THSD4: variants seen among roughly 807,000 people sequenced by gnomAD.
The protein encoded by THSD4 is thrombospondin type-1 domain-containing protein 4.
A neutral mutation model predicts 119.0 loss-of-function variants in THSD4; 69 were observed. That is an observed-to-expected ratio of 0.58 (90% CI 0.48 to 0.71). The LOEUF (loss-of-function observed/expected upper bound fraction) is 0.71, where lower values mean the gene tolerates loss of function less well. THSD4 is among the 30% of genes least tolerant of loss of function. THSD4 has a pLI of 0.00. For missense variants in THSD4, 1,393 were observed against 1,391.1 expected, an observed-to-expected ratio of 1.00 and a Z score of -0.02; for synonymous variants, 524 against 540.4, an observed-to-expected ratio of 0.97 and a Z score of 0.42.
At chr15:71,264,166 G>A (rs2044437359) in intron 6 of THSD4, among the ~76,000 whole-genome samples, 1 of 152,210 alleles carries the variant, frequency 6.6e-6, no homozygotes, top group East Asian at 1.9e-4. Flanking sequence ...ATATGAGGGA[G>A]GGAGGCTTGT....
At position 71,215,021 on chromosome 15, in the gene THSD4, C is replaced by A; in HGVS notation, c.100-14C>A. On this transcript the variant is annotated splice_polypyrimidine_tract_variant and intron_variant, in intron 3 of 17. Transcript: ENST00000261862. ...GCGGTGTTCTGGTCCCCTAACCTGC[C>A]TCTGTCTCCGCAGGTCCCGCAGCGG... is the stretch of plus-strand genomic sequence containing the variant. 1 of 1,256,260 alleles carries A rather than the reference C, an allele frequency of 8.0e-7. No homozygotes were observed. 77.8% of individuals were successfully genotyped at this position (1,256,260 alleles called of 1,614,324 possible).
intron 1 of THSD4, among the ~76,000 whole-genome samples, chr15:71,126,280 C>T (rs1446424572): frequency 6.6e-6 from 1 of 152,198 alleles, no homozygotes; most frequent in Non-Finnish European, 1.5e-5. Flanking sequence ...ACAGGAGGCT[C>T]TCCTGCCCCT....
intron 15 of THSD4, 23 bp downstream of exon 15, chr15:71,758,098 G>A (rs2053575396): frequency 1.3e-6 from 2 of 1,535,738 alleles, no homozygotes; most frequent in African/African-American, 1.4e-5. Flanking sequence ...AACTGGGTAT[G>A]TCTGCCTGTG....
rs777900586 is a variant in THSD4 at position 71,242,622 on chromosome 15, TCTC to T, written c.465-23_465-21del. ...CATGAAATTCATCCGACTCTGATCA[TCTC>T]CTCTCTTGTCTATCTCTCTTTAGGA... On this transcript the variant is annotated intron_variant, in intron 4 of 17. Transcript: ENST00000261862. 6.2e-6 allele frequency: 10 copies of T among 1,601,912 alleles called. No individual in the cohort carries two copies. In the South Asian group the frequency reaches 1.0e-4, roughly 16 times the overall value.
At chr15:71,221,379 C>G (rs1030359216) in intron 4 of THSD4, among the ~76,000 whole-genome samples, 11 of 152,192 alleles carry the variant, frequency 7.2e-5, no homozygotes, top group African/African-American at 2.7e-4. Flanking sequence ...CATCCATTCA[C>G]AGAACTCTTT....
chr15:71,496,240 TACA>T (rs1476973034), intron 7 of THSD4, among the ~76,000 whole-genome samples: 1 of 152,182 alleles, frequency 6.6e-6, no homozygotes, highest in Non-Finnish European at 1.5e-5. Context: ...TTCTTCATGG[TACA>T]ACAAAATTAA....
chr15:71,695,251 G>T (rs2052138957), intron 8 of THSD4, among the ~76,000 whole-genome samples: 1 of 152,000 alleles, frequency 6.6e-6, no homozygotes, highest in African/African-American at 2.4e-5. Flanking sequence ...TAGGCATTCT[G>T]GTTTAACCTG....
chr15:71,443,395 G>A (rs192567239), intron 7 of THSD4, among the ~76,000 whole-genome samples: 35 of 151,248 alleles, frequency 2.3e-4, no homozygotes, highest in African/African-American at 7.8e-4. Flanking sequence ...GGCTTCTATC[G>A]ACTGATGTCC....
intron 1 of THSD4, among the ~76,000 whole-genome samples, chr15:71,109,063 A>G (rs2040286529): frequency 6.6e-6 from 1 of 152,224 alleles, no homozygotes. Context: ...CCACCTCTAG[A>G]ATTCTGAGAT....
intron 7 of THSD4, among the ~76,000 whole-genome samples, chr15:71,562,295 G>A (rs1010815399): frequency 6.6e-6 from 1 of 152,172 alleles, no homozygotes; most frequent in South Asian, 2.1e-4. Flanking sequence ...TACCTCAGCT[G>A]TATAGTTTGT....
chr15:71,458,093 G>A (rs1210782800), intron 7 of THSD4, among the ~76,000 whole-genome samples: 2 of 152,164 alleles, frequency 1.3e-5, no homozygotes, highest in East Asian at 1.9e-4. Context: ...TAATCTATAT[G>A]CATTGCATAT....
chr15:71,371,798 T>C (rs1233554044), intron 6 of THSD4, among the ~76,000 whole-genome samples: 2 of 152,184 alleles, frequency 1.3e-5, no homozygotes, highest in African/African-American at 4.8e-5. Context: ...TGGCATTCTC[T>C]GTATTTCCTG....
At chr15:71,400,234 T>C (rs1367979999) in intron 6 of THSD4, among the ~76,000 whole-genome samples, 3 of 152,180 alleles carry the variant, frequency 2.0e-5, no homozygotes, top group African/African-American at 4.8e-5. Context: ...TATTAGGCAA[T>C]TGATAAGCTG....
At chr15:71,153,087 G>A (rs978127944) in intron 2 of THSD4, among the ~76,000 whole-genome samples, 2 of 152,106 alleles carry the variant, frequency 1.3e-5, no homozygotes, top group African/African-American at 2.4e-5. Context: ...CTAGGGTTTG[G>A]CCTTTAGATG....
intron 7 of THSD4, among the ~76,000 whole-genome samples, chr15:71,577,447 A>C (rs2049471227): frequency 6.6e-6 from 1 of 152,210 alleles, no homozygotes; most frequent in Admixed American, 6.5e-5. Context: ...GACAGTTGTA[A>C]AATACGAGGA....
intron 1 of THSD4, among the ~76,000 whole-genome samples, chr15:71,119,088 TCCTC>T (rs1421319159): frequency 5.3e-5 from 8 of 152,144 alleles, no homozygotes; most frequent in African/African-American, 1.7e-4. Context: ...TCTCTTTTAA[TCCTC>T]CCAGCCACCT....
At chr15:71,499,966 G>A (rs2048085992) in intron 7 of THSD4, among the ~76,000 whole-genome samples, 1 of 152,068 alleles carries the variant, frequency 6.6e-6, no homozygotes, top group African/African-American at 2.4e-5. Context: ...ATCTCTTCAA[G>A]GTCTTGTTTT....
chr15:71,403,366 A>G (rs2046563992), intron 6 of THSD4, among the ~76,000 whole-genome samples: 1 of 152,210 alleles, frequency 6.6e-6, no homozygotes, highest in South Asian at 2.1e-4. Flanking sequence ...TGCCTCAAAA[A>G]TTATAAGGCA....
At chr15:71,532,283 A>AGAGAGAGAGAGAGAGAGAGAGAGTGTGT (rs1379506089) in intron 7 of THSD4, among the ~76,000 whole-genome samples, 17 of 101,640 alleles carry the variant, frequency 1.7e-4, no homozygotes, top group Admixed American at 5.5e-4. Flanking sequence ...AGAGAGAGAG[A>AGAGAGAGAGAGAGAGAGAGAGAGTGTGT]GTGTGTGTGT....
Sources: allele counts gnomAD v4.1 joint callset (sites outside exome capture counted in the v4.1 genomes callset), GRCh38; gene constraint gnomAD v4.1.1; transcripts MANE v1.5; gene names NCBI Gene and HGNC (gene_info 2026-07-23, HGNC 2026-07-21).